TPST2: variants seen among roughly 807,000 people sequenced by gnomAD.
TPST2 encodes the protein tyrosylprotein sulfotransferase 2.
Under a neutral mutation model 27.8 loss-of-function variants are expected in TPST2, and 16 were observed. That is an observed-to-expected ratio of 0.58 (90% CI 0.39 to 0.88). The LOEUF is 0.88. Among genes scored for constraint, TPST2 ranks in the 40% least tolerant of loss-of-function variants. The pLI is 0.00. For synonymous variants in TPST2, 229 were observed against 231.7 expected (o/e 0.99, Z 0.10); for missense variants, 464 against 543.1 (o/e 0.85, Z 1.45).
intron 1 of TPST2, among the ~76,000 whole-genome samples, chr22:26,549,847 G>A (rs1320785809): frequency 3.5e-5 from 5 of 143,622 alleles, no homozygotes; most frequent in Admixed American, 7.0e-5. Flanking sequence ...TGGCTAACAC[G>A]GTGAAACCCC....
chr22:26,570,553 C>A (rs181316724), intron 1 of TPST2, among the ~76,000 whole-genome samples: 2 of 152,262 alleles, frequency 1.3e-5, no homozygotes, highest in South Asian at 4.1e-4. Flanking sequence ...GCTACTGTGG[C>A]CCTCTCTCCT....
At chr22:26,581,885 C>G (rs544425730) in intron 1 of TPST2, among the ~76,000 whole-genome samples, 18 of 152,314 alleles carry the variant, frequency 1.2e-4, no homozygotes, top group African/African-American at 4.3e-4. Flanking sequence ...CACAACTACT[C>G]CACTCTGCTT....
At chr22:26,538,915 G>A (rs890598430) in intron 3 of TPST2, among the ~76,000 whole-genome samples, 1 of 152,192 alleles carries the variant, frequency 6.6e-6, no homozygotes. Flanking sequence ...GGCTACAGAG[G>A]AGTATGTTTC....
chr22:26,527,537 C>A (rs1352444203), intron 6 of TPST2, among the ~76,000 whole-genome samples: 2 of 152,192 alleles, frequency 1.3e-5, no homozygotes, highest in African/African-American at 4.8e-5. Context: ...CAAAAAAATC[C>A]CTTTCCCCAC....
Position 26,590,121 on chromosome 22 carries a change from G to C in TPST2, c.-229C>G, listed in dbSNP as rs985810996. On this transcript the variant is annotated 5_prime_UTR_variant, in exon 1 of 7. Transcript: ENST00000338754. Reference sequence around the variant, plus strand: ...CCGGCTCTCCAGCCGCCCCAGCCGGGGAAGGGGGAGGTGCCCGCGCGGGGG... The same window carrying C: ...CCGGCTCTCCAGCCGCCCCAGCCGGCGAAGGGGGAGGTGCCCGCGCGGGGG... 6.6e-6 allele frequency: 1 copy of C among 152,026 alleles called. No homozygotes were observed. Among genetic ancestry groups the C allele is most frequent in the Non-Finnish European group, 1.5e-5 (1 of 68,034 alleles). 9.4% of individuals were successfully genotyped at this position (152,026 alleles called of 1,614,324 possible).
At chr22:26,550,202 A>C (rs1456571770) in intron 1 of TPST2, among the ~76,000 whole-genome samples, 1 of 152,184 alleles carries the variant, frequency 6.6e-6, no homozygotes, top group African/African-American at 2.4e-5. Context: ...TTTACTGAGC[A>C]AGTACCATGT....
At chr22:26,559,149 T>C (rs900197524) in intron 1 of TPST2, among the ~76,000 whole-genome samples, 7 of 152,242 alleles carry the variant, frequency 4.6e-5, no homozygotes, top group Non-Finnish European at 1.0e-4. Flanking sequence ...GGCGATCACC[T>C]GAGGTCAGGA....
intron 5 of TPST2, among the ~76,000 whole-genome samples, 163 bp from the exon 6 acceptor site, chr22:26,528,425 G>A (rs937619744): frequency 6.6e-6 from 1 of 152,162 alleles, no homozygotes. Flanking sequence ...CGTGGTGAGC[G>A]GGACAGACCC....
At chr22:26,572,240 G>T (rs967758638) in intron 1 of TPST2, among the ~76,000 whole-genome samples, 9 of 152,264 alleles carry the variant, frequency 5.9e-5, no homozygotes, top group Middle Eastern at 3.4e-3. Flanking sequence ...ACCCAATCTA[G>T]GTCAATGAAA....
intron 1 of TPST2, chr22:26,550,607 C>A (rs369585319): frequency 1.0e-6 from 1 of 985,520 alleles, no homozygotes; most frequent in African/African-American, 1.7e-5. Flanking sequence ...GGCCCTGGAG[C>A]AGGGCCCAGT....
At chr22:26,579,681 A>G (rs1928012911) in intron 1 of TPST2, among the ~76,000 whole-genome samples, 1 of 152,122 alleles carries the variant, frequency 6.6e-6, no homozygotes, top group Non-Finnish European at 1.5e-5. Flanking sequence ...TAATGAGAGA[A>G]AGGAAGGGCC....
chr22:26,544,636 C>G lies in TPST2; in HGVS notation c.-121G>C, dbSNP rs1926023354. On this transcript the variant is annotated 5_prime_UTR_variant, in exon 2 of 7. Coordinates refer to ENST00000338754, the MANE Select transcript of TPST2 (RefSeq NM_003595.5). ...GGGCACTCTCATCTCTGGGCTCCAG[C>G]CCTTGTGCCTGTGTGCCAAGGCTGT... 1 of 985,840 alleles carries G rather than the reference C, an allele frequency of 1.0e-6. No homozygotes were observed. The highest frequency in any genetic ancestry group is 1.2e-6 in the Non-Finnish European group (1 of 830,040). 61.1% of individuals were successfully genotyped at this position (985,840 alleles called of 1,614,324 possible).
At chr22:26,578,088 T>G in intron 1 of TPST2, among the ~76,000 whole-genome samples, 1 of 152,196 alleles carries the variant, frequency 6.6e-6, no homozygotes, top group East Asian at 1.9e-4. Flanking sequence ...GGAATTTCAA[T>G]TAAAATCAAT....
At chr22:26,528,171 A>T in intron 6 of TPST2, 43 bp downstream of exon 6, 1 of 1,552,424 alleles carries the variant, frequency 6.4e-7, no homozygotes, top group Non-Finnish European at 8.7e-7. Flanking sequence ...CTCCGGGGCC[A>T]CCCAGAAGCA....
intron 1 of TPST2, among the ~76,000 whole-genome samples, chr22:26,556,304 C>G (rs181232453): frequency 3.3e-5 from 5 of 151,974 alleles, no homozygotes; most frequent in Admixed American, 2.0e-4. Flanking sequence ...CTTGGGAGGC[C>G]GAGGTGGGCG....
chr22:26,570,255 C>T (rs866031093), intron 1 of TPST2, among the ~76,000 whole-genome samples: 2 of 152,000 alleles, frequency 1.3e-5, no homozygotes, highest in Non-Finnish European at 1.5e-5. Context: ...ACTTGCAGGA[C>T]GGCGCTCTCC....
rs553997414 is a variant in TPST2 at position 26,536,227 on chromosome 22, A to C, written c.1041+61T>G. On this transcript the variant is annotated intron_variant, in intron 4 of 6. Coordinates refer to ENST00000338754, the MANE Select transcript of TPST2 (RefSeq NM_003595.5). ...ATTTCCTCAGGTGGCTGGAGTTTCC[A>C]CATCTGCAGAAGCCCCATATCCCCA... 8.8e-6 allele frequency: 14 copies of C among 1,582,252 alleles called. No individual in the cohort carries two copies. The African/African-American group carries it at 1.6e-4, about 18-fold the overall frequency.
At chr22:26,546,955 T>A (rs983204940) in intron 1 of TPST2, among the ~76,000 whole-genome samples, 11 of 152,152 alleles carry the variant, frequency 7.2e-5, no homozygotes, top group Admixed American at 6.5e-5. Context: ...TTGGAAACAT[T>A]TACTATCTGG....
chr22:26,553,649 C>CTCATTTTTTTTTTTTTTTT (rs1555931704), intron 1 of TPST2, among the ~76,000 whole-genome samples: 2 of 151,662 alleles, frequency 1.3e-5, no homozygotes, highest in East Asian at 1.9e-4. Context: ...TGAGCTACTG[C>CTCATTTTTTTTTTTTTTTT]ACCTGGCTGG....
Sources: gnomAD v4.1 joint callset for allele counts (sites outside exome capture counted in the v4.1 genomes callset) on GRCh38, gnomAD v4.1.1 for gene constraint, MANE v1.5 for transcripts, NCBI Gene and HGNC (gene_info 2026-07-23, HGNC 2026-07-21) for gene names.